The following HTR1F variants were observed in gnomAD, a reference collection of about 807,000 sequenced individuals.
HTR1F encodes the protein 5-hydroxytryptamine receptor 1F, also known as 5-hydroxytryptamine (serotonin) receptor 1F, G protein-coupled.
A neutral mutation model predicts 24.0 loss-of-function variants in HTR1F; 17 were observed. The ratio of observed to expected loss-of-function variants is 0.71; its 90% CI spans 0.48 to 1.06. The LOEUF (loss-of-function observed/expected upper bound fraction) is 1.06. Ranked by LOEUF, HTR1F falls within the 50% of genes least tolerant of loss-of-function variation. HTR1F has a pLI of 0.00. For synonymous variants in HTR1F, 186 were observed against 156.8 expected (o/e 1.19, Z -1.39); for missense variants, 391 against 427.8 (o/e 0.91, Z 0.76).
intron 1 of HTR1F, among the ~76,000 whole-genome samples, chr3:87,817,787 G>A (rs1263991876): frequency 6.6e-6 from 1 of 152,152 alleles, no homozygotes; most frequent in Non-Finnish European, 1.5e-5. Flanking sequence ...CTGAGATGAT[G>A]TAACTGTATG....
At chr3:87,914,168 G>A (rs535262399) in intron 2 of HTR1F, among the ~76,000 whole-genome samples, 2 of 152,242 alleles carry the variant, frequency 1.3e-5, no homozygotes, top group African/African-American at 4.8e-5. Context: ...CATAATACAG[G>A]GGTAGAGGTG....
intron 2 of HTR1F, among the ~76,000 whole-genome samples, chr3:87,859,287 A>C (rs1575955018): frequency 1.3e-5 from 2 of 152,234 alleles, no homozygotes; most frequent in Admixed American, 1.3e-4. Context: ...GTTAGTCTCA[A>C]GTAACAGTCA....
At chr3:87,967,240 A>G (rs943094298) in intron 2 of HTR1F, among the ~76,000 whole-genome samples, 5 of 152,166 alleles carry the variant, frequency 3.3e-5, no homozygotes. Flanking sequence ...ACTTGAGGTC[A>G]GGAGTTTGAG....
intron 2 of HTR1F, among the ~76,000 whole-genome samples, chr3:87,934,092 T>G (rs138970903): frequency 6.6e-6 from 1 of 152,312 alleles, no homozygotes; most frequent in African/African-American, 2.4e-5. Flanking sequence ...TCCCCATACT[T>G]CCTTCTAATT....
chr3:87,883,634 A>G (rs1169683752), intron 2 of HTR1F, among the ~76,000 whole-genome samples: 1 of 152,212 alleles, frequency 6.6e-6, no homozygotes, highest in Non-Finnish European at 1.5e-5. Context: ...TAGAATAAAC[A>G]GTGTAGAGAA....
chr3:87,924,974 A>AT (rs879317022), intron 2 of HTR1F, among the ~76,000 whole-genome samples: 159 of 150,328 alleles, frequency 1.1e-3, no homozygotes, highest in South Asian at 2.1e-3. Context: ...ACTTTCTTAA[A>AT]TTTTTTTTTT....
chr3:87,820,233 G>C (rs1370825394), intron 1 of HTR1F, among the ~76,000 whole-genome samples: 3 of 143,640 alleles, frequency 2.1e-5, no homozygotes, highest in African/African-American at 7.9e-5. Context: ...CTGGAGTGCA[G>C]TGGCAGGATC....
chr3:87,863,694 C>T (rs1322548865), intron 2 of HTR1F, among the ~76,000 whole-genome samples: 1 of 152,146 alleles, frequency 6.6e-6, no homozygotes, highest in East Asian at 1.9e-4. Flanking sequence ...TTCCATCTTT[C>T]ATATATTGCC....
intron 2 of HTR1F, among the ~76,000 whole-genome samples, chr3:87,906,164 A>G (rs1342547157): frequency 6.6e-6 from 1 of 152,158 alleles, no homozygotes; most frequent in Non-Finnish European, 1.5e-5. Flanking sequence ...GGGTAAAAAT[A>G]CCAAAGGTTA....
chr3:87,928,680 T>C (rs1227809069), intron 2 of HTR1F, among the ~76,000 whole-genome samples: 2 of 152,226 alleles, frequency 1.3e-5, no homozygotes, highest in Non-Finnish European at 2.9e-5. Flanking sequence ...CTTTACGTTT[T>C]GGTTTTGGAC....
intron 2 of HTR1F, among the ~76,000 whole-genome samples, chr3:87,908,827 G>A (rs1044049733): frequency 6.6e-6 from 1 of 151,994 alleles, no homozygotes; most frequent in Non-Finnish European, 1.5e-5. Flanking sequence ...TCTTTCACCT[G>A]CTGAAGAGAG....
intron 1 of HTR1F, among the ~76,000 whole-genome samples, chr3:87,818,678 AC>A (rs1447246782): frequency 6.6e-6 from 1 of 152,080 alleles, no homozygotes; most frequent in African/African-American, 2.4e-5. Flanking sequence ...TCCCCTGTTT[AC>A]CCATCCACAG....
intron 2 of HTR1F, among the ~76,000 whole-genome samples, chr3:87,889,379 T>A (rs1424738855): frequency 2.0e-5 from 3 of 152,210 alleles, no homozygotes; most frequent in African/African-American, 7.2e-5. Context: ...TTTCATCTTA[T>A]CACCTGCCAT....
At chr3:87,824,322 T>G (rs1244663560) in intron 2 of HTR1F, among the ~76,000 whole-genome samples, 1 of 152,184 alleles carries the variant, frequency 6.6e-6, no homozygotes, top group African/African-American at 2.4e-5. Context: ...GCAAGTCCTA[T>G]GCATCCTACT....
chr3:87,916,309 G>GAAAAAAAAAAAAAAA (rs34801984), intron 2 of HTR1F, among the ~76,000 whole-genome samples: 3 of 111,062 alleles, frequency 2.7e-5, no homozygotes, highest in Non-Finnish European at 3.7e-5. Context: ...AAGCAAAAAA[G>GAAAAAAAAAAAAAAA]AAAAAAAAAA....
In HTR1F at chr3:87,976,519, A is replaced by T. The variant is rs72917748; in HGVS notation, c.-42-14189A>T. The stretch of plus-strand genomic sequence containing the variant: ...TCTCTTAAAAAAAACTGAAGTTGTT[A>T]AATCAAATATCATCACTAAAATTAA... On this transcript the variant is annotated intron_variant, in intron 2 of 2. Transcript: ENST00000319595. 4.7e-3 allele frequency among the ~76,000 whole-genome samples: 723 copies of T among 152,308 alleles called. 2 individuals carry two copies. The highest frequency in any genetic ancestry group is 0.017 in the African/African-American group (697 of 41,566).
At chr3:87,818,823 C>T (rs1482329871) in intron 1 of HTR1F, among the ~76,000 whole-genome samples, 4 of 152,268 alleles carry the variant, frequency 2.6e-5, no homozygotes, top group Non-Finnish European at 4.4e-5. Flanking sequence ...CCTCATTTGC[C>T]TCATCCTAGT....
intron 2 of HTR1F, among the ~76,000 whole-genome samples, chr3:87,902,041 A>T (rs1706335693): frequency 6.6e-6 from 1 of 152,136 alleles, no homozygotes; most frequent in South Asian, 2.1e-4. Context: ...AAATATATGA[A>T]TTTTTCACAA....
intron 2 of HTR1F, among the ~76,000 whole-genome samples, chr3:87,928,102 G>A (rs767893255): frequency 2.7e-5 from 4 of 148,518 alleles, no homozygotes; most frequent in Non-Finnish European, 5.9e-5. Flanking sequence ...CTGGAGTGCA[G>A]TGGTGCAATC....
Sources: gnomAD v4.1 joint callset for allele counts (sites outside exome capture counted in the v4.1 genomes callset) on GRCh38, gnomAD v4.1.1 for gene constraint, MANE v1.5 for transcripts, NCBI Gene and HGNC (gene_info 2026-07-23, HGNC 2026-07-21) for gene names.